Variants in WASHC4 observed in about 807,000 individuals in gnomAD.
WASHC4 encodes the protein WASH complex subunit 7.
Under a neutral mutation model 166.6 loss-of-function variants are expected in WASHC4, and 86 were observed. That is an observed-to-expected ratio of 0.52 (90% CI 0.43 to 0.62). The LOEUF is 0.62. WASHC4 is among the 20% of genes least tolerant of loss of function. The pLI, the probability that WASHC4 is intolerant of heterozygous loss-of-function variation, is 0.00. For missense variants in WASHC4, 1,262 were observed against 1,382.4 expected, an observed-to-expected ratio of 0.91 and a Z score of 1.38; for synonymous variants, 446 against 451.6, an observed-to-expected ratio of 0.99 and a Z score of 0.16.
chr12:105,161,770 T>A (rs1009414575), intron 29 of WASHC4, among the ~76,000 whole-genome samples: 2 of 152,238 alleles, frequency 1.3e-5, no homozygotes, highest in African/African-American at 4.8e-5. Flanking sequence ...AACTTGGTTT[T>A]GTTTCCAGCG....
chr12:105,143,938 A>G (rs1883076672), intron 20 of WASHC4, among the ~76,000 whole-genome samples: 1 of 151,142 alleles, frequency 6.6e-6, no homozygotes, highest in Non-Finnish European at 1.5e-5. Context: ...TATTACCTTT[A>G]GCACAATGAA....
intron 15 of WASHC4, 105 bp from the exon 16 acceptor site, chr12:105,140,189 C>T (rs1882709070): frequency 2.4e-6 from 2 of 848,202 alleles, no homozygotes; most frequent in Admixed American, 1.8e-5. Context: ...TTTTTTGTAT[C>T]TCATTTACAA....
chr12:105,162,999 TG>T (rs929373527), intron 30 of WASHC4, among the ~76,000 whole-genome samples, 154 bp downstream of exon 30: 52 of 152,340 alleles, frequency 3.4e-4, no homozygotes, highest in Admixed American at 3.1e-3. Context: ...CGTCTCGCTC[TG>T]TTGCCCAGGC....
rs776958891 is a variant in WASHC4 at position 105,149,740 on chromosome 12, T to C, written c.2640T>C (p.Asn880=). ...TTTTCAGGGAAATTAAGGACCAAAA[T>C]GATCATAAGGTAGGCTACCTATTCT... ...IRFFREIKDQ[N]DHKYPFDRAE... is the part of the protein sequence containing the mutation. Residue 880 remains asparagine, a synonymous_variant, in exon 25 of 33, where the codon AAT becomes AAC. Coordinates refer to ENST00000332180, the MANE Select transcript of WASHC4 (RefSeq NM_015275.3). The C allele has an allele frequency of 6.3e-7, 1 of 1,596,610 alleles. No homozygotes were observed. Among genetic ancestry groups the C allele is most frequent in the Non-Finnish European group, 8.6e-7 (1 of 1,166,596 alleles).
chr12:105,166,566 A>G (rs1460321435), intron 32 of WASHC4, among the ~76,000 whole-genome samples: 1 of 152,150 alleles, frequency 6.6e-6, no homozygotes, highest in Non-Finnish European at 1.5e-5. Flanking sequence ...AGGAATATCA[A>G]GATTCCTCAG....
intron 15 of WASHC4, 124 bp downstream of exon 15, chr12:105,138,135 C>A: frequency 1.1e-6 from 1 of 879,882 alleles, no homozygotes. Flanking sequence ...GAAAGTACTT[C>A]TCTCTCAATT....
At chr12:105,138,101 T>C in intron 15 of WASHC4, 90 bp downstream of exon 15, 1 of 1,285,518 alleles carries the variant, frequency 7.8e-7, no homozygotes, top group Non-Finnish European at 1.1e-6. Flanking sequence ...GACTACATGA[T>C]TATATGAGAA....
chr12:105,166,705 G>C (rs1884829358), intron 32 of WASHC4, among the ~76,000 whole-genome samples, 159 bp from the exon 33 acceptor site: 1 of 152,148 alleles, frequency 6.6e-6, no homozygotes, highest in Admixed American at 6.5e-5. Context: ...ATTTTAAAGT[G>C]TAAACAAGGT....
chr12:105,131,768 A>G (rs924617630), intron 13 of WASHC4, among the ~76,000 whole-genome samples: 4 of 152,200 alleles, frequency 2.6e-5, no homozygotes, highest in African/African-American at 9.7e-5. Context: ...GTCAAACAGT[A>G]TGTTTCAGCA....
At chr12:105,144,210 G>T in intron 20 of WASHC4, 77 bp from the exon 21 acceptor site, 1 of 1,217,638 alleles carries the variant, frequency 8.2e-7, no homozygotes, top group South Asian at 1.3e-5. Context: ...GTTTAAAATG[G>T]AGCATAGACA....
At chr12:105,163,850 A>C (rs1832957785) in intron 30 of WASHC4, among the ~76,000 whole-genome samples, 1 of 151,654 alleles carries the variant, frequency 6.6e-6, no homozygotes, top group Admixed American at 6.6e-5. Flanking sequence ...CTGGTGATTT[A>C]TATGGCCATG....
At chr12:105,144,485 AT>A in intron 21 of WASHC4, 30 bp downstream of exon 21, 1 of 1,551,808 alleles carries the variant, frequency 6.4e-7, no homozygotes, top group Non-Finnish European at 8.8e-7. Flanking sequence ...TCTTAGAGTC[AT>A]ATTCTCTTTT....
chr12:105,143,709 A>T (rs575612576), intron 20 of WASHC4, among the ~76,000 whole-genome samples: 146 of 152,144 alleles, frequency 9.6e-4, no homozygotes, highest in Non-Finnish European at 1.9e-3. Flanking sequence ...TATTATAAAC[A>T]CTGATATCTT....
rs745332143 is a variant in WASHC4 at position 105,111,134 on chromosome 12, C to A, written c.71C>A (p.Ala24Asp). Residue 24 changes from alanine (A) to aspartate (D), a missense_variant, in exon 2 of 33, where the codon GCC becomes GAC. Ala to Asp is a moderately radical substitution (Grantham distance 126). Transcript: ENST00000332180. ...TAAAATTTAAACTTAGAAATTCATG[C>A]CGAAGTCCAACTTAAGAATTATGGG... is the stretch of plus-strand genomic sequence containing the variant. Reference protein sequence around the residue: ...RVDDGSQKIHAEVQLKNYGKF... With the variant: ...RVDDGSQKIHDEVQLKNYGKF... 1 of 1,603,254 alleles carries A rather than the reference C, an allele frequency of 6.2e-7. No individual in the cohort carries two copies. Among genetic ancestry groups the A allele is most frequent in the South Asian group, 1.1e-5 (1 of 90,890 alleles).
chr12:105,132,974 G>T (rs949104996), intron 13 of WASHC4, among the ~76,000 whole-genome samples: 5 of 152,006 alleles, frequency 3.3e-5, no homozygotes, highest in African/African-American at 1.2e-4. Flanking sequence ...TAGCTTTTAG[G>T]TGGTTTTCCT....
chr12:105,141,367 A>G, intron 18 of WASHC4, 121 bp downstream of exon 18: 2 of 805,318 alleles, frequency 2.5e-6, no homozygotes, highest in Non-Finnish European at 4.4e-6. Context: ...TCCTTTCTGT[A>G]ACTTCTTTAG....
At chr12:105,152,185 C>T (rs1009307008) in intron 25 of WASHC4, among the ~76,000 whole-genome samples, 158 bp from the exon 26 acceptor site, 20 of 152,082 alleles carry the variant, frequency 1.3e-4, no homozygotes, top group African/African-American at 4.6e-4. Flanking sequence ...TTATATTGAC[C>T]TTGAACATTG....
chr12:105,153,357 C>A (rs1173534905), intron 26 of WASHC4, among the ~76,000 whole-genome samples: 4 of 152,164 alleles, frequency 2.6e-5, no homozygotes, highest in African/African-American at 7.2e-5. Context: ...ACGTTATAAG[C>A]ATTTCATTCT....
At position 105,144,365 on chromosome 12, in the gene WASHC4, C is replaced by T. The variant is rs756808881; in HGVS notation, c.2089C>T (p.Arg697Ter). ...SVHTHLKLDD[R>*]NPFKVGMKDL... is the part of the protein sequence containing the mutation. ...GCATACTCATTTAAAGCTGGATGAC[C>T]GAAACCCTTTCAAAGTTGGCATGAA... Residue 697 changes from arginine to a stop codon, truncating the protein, a stop_gained, in exon 21 of 33, where the codon CGA (arginine) becomes TGA (stop). Coordinates refer to ENST00000332180, the MANE Select transcript of WASHC4 (RefSeq NM_015275.3). LOFTEE classifies it high-confidence loss of function. The T allele has an allele frequency of 5.0e-6, 8 of 1,613,192 alleles. No homozygotes were observed. Among genetic ancestry groups the T allele is most frequent in the Admixed American group, 3.3e-5 (2 of 60,002 alleles).
Sources: gnomAD v4.1 joint callset for allele counts (sites outside exome capture counted in the v4.1 genomes callset) on GRCh38, gnomAD v4.1.1 for gene constraint, MANE v1.5 for transcripts, NCBI Gene and HGNC (gene_info 2026-07-23, HGNC 2026-07-21) for gene names.